TENM1: variants seen among roughly 807,000 people sequenced by gnomAD.
TENM1 encodes the protein teneurin-1.
Under a neutral mutation model 174.8 loss-of-function variants are expected in TENM1, and 35 were observed. The observed-to-expected ratio is 0.20, with a 90% CI of 0.15 to 0.27. The LOEUF is 0.27. Ranked by LOEUF, TENM1 falls within the 10% of genes least tolerant of loss-of-function variation. The pLI is 1.00. For missense variants in TENM1, 1,633 were observed against 2,130.1 expected, an observed-to-expected ratio of 0.77 and a Z score of 4.59; for synonymous variants, 781 against 798.7, an observed-to-expected ratio of 0.98 and a Z score of 0.37.
chrX:125,142,352 A>T, the TENM1 span, among the ~76,000 whole-genome samples: 4 of 111,298 alleles, frequency 3.6e-5, no homozygotes, highest in Non-Finnish European at 7.5e-5. Context: ...AAAAAGAAAA[A>T]TTATTCGTAC....
chrX:124,413,254 C>T (rs772344367), intron 25 of TENM1, among the ~76,000 whole-genome samples: 2 of 111,710 alleles, frequency 1.8e-5, no homozygotes, highest in East Asian at 5.6e-4. Flanking sequence ...CTGTTGCCTT[C>T]GTTAAATATA....
intron 3 of TENM1, among the ~76,000 whole-genome samples, chrX:124,806,726 T>G (rs1440127010): frequency 8.9e-6 from 1 of 111,823 alleles, no homozygotes; most frequent in Non-Finnish European, 1.9e-5. Context: ...CTCATGGTTT[T>G]GCAGGCTCTA....
At chrX:124,515,569 A>G (rs1158116305) in intron 18 of TENM1, among the ~76,000 whole-genome samples, 2 of 111,364 alleles carry the variant, frequency 1.8e-5, no homozygotes, top group Admixed American at 9.6e-5. Flanking sequence ...CTGAAAGCCA[A>G]ATCAGGAACA....
At chrX:124,996,549 CCACA>C in the TENM1 span, among the ~76,000 whole-genome samples, 3,253 of 96,104 alleles carry the variant, frequency 0.034, 136 homozygotes, top group African/African-American at 0.11. Context: ...AAAAAAAAAA[CCACA>C]CACACACACA....
intron 19 of TENM1, 36 bp downstream of exon 22, chrX:124,503,524 A>G (rs2047378291): frequency 8.6e-7 from 1 of 1,160,181 alleles, no homozygotes; most frequent in African/African-American, 1.8e-5. Context: ...CAGCATTAGG[A>G]AAGTAGTATT....
At chrX:125,090,871 G>A in the TENM1 span, among the ~76,000 whole-genome samples, 3 of 111,733 alleles carry the variant, frequency 2.7e-5, no homozygotes, top group Non-Finnish European at 5.6e-5. Context: ...TGCATGGTAT[G>A]ACCAGAAAAC....
chrX:125,100,410 C>T, the TENM1 span, among the ~76,000 whole-genome samples: 1 of 111,523 alleles, frequency 9.0e-6, no homozygotes, highest in African/African-American at 3.3e-5. Flanking sequence ...AAAGAAAAAT[C>T]AAAGAAGCTC....
At chrX:124,762,928 T>A (rs1342961102) in intron 3 of TENM1, among the ~76,000 whole-genome samples, 1 of 111,191 alleles carries the variant, frequency 9.0e-6, no homozygotes, top group East Asian at 2.8e-4. Flanking sequence ...TACTGTGTAG[T>A]CTTTACTTGT....
At chrX:125,001,753 T>A in the TENM1 span, among the ~76,000 whole-genome samples, 1 of 110,042 alleles carries the variant, frequency 9.1e-6, no homozygotes, top group Non-Finnish European at 1.9e-5. Flanking sequence ...TTCATTGTAT[T>A]TAGCCACTGT....
the TENM1 span, among the ~76,000 whole-genome samples, chrX:125,126,023 T>C: frequency 8.9e-6 from 1 of 112,306 alleles, no homozygotes; most frequent in African/African-American, 3.2e-5. Context: ...TTTTAAATGG[T>C]TCAAACTGGC....
At chrX:124,909,164 G>C (rs1202704090) in intron 1 of TENM1, among the ~76,000 whole-genome samples, 1 of 112,314 alleles carries the variant, frequency 8.9e-6, no homozygotes, top group Non-Finnish European at 1.9e-5. Flanking sequence ...CAGCTTATTA[G>C]TCCTGTTTTT....
At chrX:124,809,716 A>C (rs2147261671) in intron 3 of TENM1, among the ~76,000 whole-genome samples, 1 of 110,741 alleles carries the variant, frequency 9.0e-6, no homozygotes, top group Admixed American at 9.7e-5. Context: ...GAAACTGAGT[A>C]ATTTATAAAG....
chrX:124,784,848 C>T (rs1207028395), intron 3 of TENM1, among the ~76,000 whole-genome samples: 1 of 111,079 alleles, frequency 9.0e-6, no homozygotes, highest in Non-Finnish European at 1.9e-5. Context: ...TGATTTCTTT[C>T]CAATTCCTAG....
intron 6 of TENM1, among the ~76,000 whole-genome samples, chrX:124,656,959 A>G (rs1490174019): frequency 9.0e-6 from 1 of 110,903 alleles, no homozygotes; most frequent in African/African-American, 3.3e-5. Flanking sequence ...AGTTAAAAAA[A>G]AAAGGATTTT....
At chrX:124,586,169 C>A (rs1602722378) in intron 11 of TENM1, among the ~76,000 whole-genome samples, 1 of 110,691 alleles carries the variant, frequency 9.0e-6, no homozygotes, top group Non-Finnish European at 1.9e-5. Context: ...AAGAGGGAAT[C>A]CTCCCTAACT....
chrX:124,478,858 G>C (rs921291813), intron 22 of TENM1, among the ~76,000 whole-genome samples: 1 of 112,323 alleles, frequency 8.9e-6, no homozygotes, highest in East Asian at 2.8e-4. Context: ...GAGAAACAAA[G>C]AATCTGTAAG....
At chrX:124,492,842 G>T (rs549143920) in intron 20 of TENM1, among the ~76,000 whole-genome samples, 1 of 110,021 alleles carries the variant, frequency 9.1e-6, no homozygotes, top group Admixed American at 9.8e-5. Flanking sequence ...CTAAGGAAGG[G>T]AAAAAAATGC....
At chrX:124,874,539 T>C (rs1326277134) in intron 3 of TENM1, among the ~76,000 whole-genome samples, 1 of 110,671 alleles carries the variant, frequency 9.0e-6, no homozygotes, top group Non-Finnish European at 1.9e-5. Context: ...TATATACATA[T>C]GTATATAATT....
chrX:124,514,397 A>C (rs1489265865), intron 18 of TENM1, among the ~76,000 whole-genome samples: 1 of 111,429 alleles, frequency 9.0e-6, no homozygotes, highest in Non-Finnish European at 1.9e-5. Context: ...TATTTAAAAG[A>C]TCAAAAAATT....
Sources: gnomAD v4.1 joint callset for allele counts (sites outside exome capture counted in the v4.1 genomes callset) on GRCh38, gnomAD v4.1.1 for gene constraint, MANE v1.5 for transcripts, NCBI Gene and HGNC (gene_info 2026-07-23, HGNC 2026-07-21) for gene names.